Variants in FAM174A observed in about 807,000 individuals in gnomAD.
The protein encoded by FAM174A is membrane protein FAM174A.
Under a neutral mutation model 14.3 loss-of-function variants are expected in FAM174A, and 14 were observed. The observed-to-expected ratio is 0.98, with a 90% CI of 0.65 to 1.53. The LOEUF (loss-of-function observed/expected upper bound fraction) is 1.53. FAM174A is among the 40% of genes most tolerant of loss of function. The pLI, the probability that FAM174A is intolerant of heterozygous loss-of-function variation, is 0.00. For missense variants in FAM174A, 241 were observed against 249.6 expected, an observed-to-expected ratio of 0.97 and a Z score of 0.23; for synonymous variants, 108 against 111.4, an observed-to-expected ratio of 0.97 and a Z score of 0.19.
chr5:100,557,243 G>A (rs1457201787), intron 1 of FAM174A, among the ~76,000 whole-genome samples: 1 of 152,076 alleles, frequency 6.6e-6, no homozygotes, highest in South Asian at 2.1e-4. Context: ...TAAGTTTATT[G>A]ATTTGCGTAT....
At chr5:100,562,292 C>A in intron 2 of FAM174A, 104 bp downstream of exon 2, 1 of 1,036,014 alleles carries the variant, frequency 9.7e-7, no homozygotes, top group Non-Finnish European at 1.4e-6. Flanking sequence ...TATTCCAACA[C>A]AGTTTCTTCA....
chr5:100,551,030 G>A (rs1031251241), intron 1 of FAM174A, among the ~76,000 whole-genome samples: 4 of 152,154 alleles, frequency 2.6e-5, no homozygotes, highest in Non-Finnish European at 4.4e-5. Context: ...ACCATTGAAG[G>A]TTTTAGAGAA....
chr5:100,540,404 T>C (rs1746025830), intron 1 of FAM174A, among the ~76,000 whole-genome samples: 1 of 152,144 alleles, frequency 6.6e-6, no homozygotes, highest in South Asian at 2.1e-4. Flanking sequence ...TCATGGAACT[T>C]CCATTATAAT....
chr5:100,585,348 T>C (rs1047545413), intron 2 of FAM174A, among the ~76,000 whole-genome samples: 1 of 152,230 alleles, frequency 6.6e-6, no homozygotes, highest in Non-Finnish European at 1.5e-5. Context: ...TCATAAATGA[T>C]AAAATAAATC....
rs144016021 is a variant in FAM174A at position 100,544,408 on chromosome 5, G to GGAGAGAGA, written c.434+8463_434+8470dup. Among the ~76,000 whole-genome samples the GGAGAGAGA allele has an allele frequency of 2.7e-4, 39 of 146,382 alleles. No individual in the cohort carries two copies. The South Asian group carries it at 7.9e-3, about 30-fold the overall frequency. ...TGCATCCTCAAACAGATGAGATCCT[G>GGAGAGAGA]GAGAGAGAGAGAGAGAGAGAGAGAG... On this transcript the variant is annotated intron_variant, in intron 1 of 2. Coordinates refer to ENST00000312637, the MANE Select transcript of FAM174A (RefSeq NM_198507.3).
At chr5:100,584,764 C>A (rs1747093586) in intron 2 of FAM174A, among the ~76,000 whole-genome samples, 1 of 152,110 alleles carries the variant, frequency 6.6e-6, no homozygotes, top group Admixed American at 6.5e-5. Flanking sequence ...GACAGTTTCA[C>A]ATTTTTTTTT....
chr5:100,540,892 T>C lies in FAM174A; in HGVS notation c.434+4928T>C, dbSNP rs182306597. ...GTAATGCCACATATAGACATTGATA[T>C]CTATACGGGGTAAATGTATGAGACT... On this transcript the variant is annotated intron_variant, in intron 1 of 2. Coordinates refer to ENST00000312637, the MANE Select transcript of FAM174A (RefSeq NM_198507.3). 6.2e-4 allele frequency among the ~76,000 whole-genome samples: 94 copies of C among 152,312 alleles called. 1 individual carries two copies. Among genetic ancestry groups the C allele is most frequent in the African/African-American group, 2.2e-3 (92 of 41,568 alleles).
intron 2 of FAM174A, 24 bp downstream of exon 2, chr5:100,562,212 C>A: frequency 6.4e-7 from 1 of 1,555,136 alleles, no homozygotes; most frequent in Non-Finnish European, 8.6e-7. Flanking sequence ...TAGTTTAATT[C>A]CATGAATCAG....
intron 1 of FAM174A, among the ~76,000 whole-genome samples, chr5:100,557,891 A>T (rs998759352): frequency 2.0e-5 from 3 of 151,798 alleles, no homozygotes; most frequent in Admixed American, 1.3e-4. Flanking sequence ...AAAACCAGCT[A>T]CTGGATTCAT....
At chr5:100,554,058 T>G (rs1429491882) in intron 1 of FAM174A, among the ~76,000 whole-genome samples, 13 of 152,164 alleles carry the variant, frequency 8.5e-5, no homozygotes, top group Non-Finnish European at 2.9e-5. Context: ...CCAAAAATAA[T>G]TTCACATGAC....
intron 1 of FAM174A, among the ~76,000 whole-genome samples, chr5:100,551,069 T>G (rs1746253182): frequency 6.6e-6 from 1 of 152,004 alleles, no homozygotes; most frequent in Non-Finnish European, 1.5e-5. Context: ...ATAGCCGGAG[T>G]AGGCAGAGAT....
At chr5:100,546,708 A>G (rs551608536) in intron 1 of FAM174A, among the ~76,000 whole-genome samples, 1 of 152,300 alleles carries the variant, frequency 6.6e-6, no homozygotes, top group East Asian at 1.9e-4. Context: ...CTTATAAGTT[A>G]TATGCACTAT....
chr5:100,575,397 G>A (rs115154850), intron 2 of FAM174A, among the ~76,000 whole-genome samples: 2,291 of 151,872 alleles, frequency 0.015, 61 homozygotes, highest in African/African-American at 0.052. Flanking sequence ...GCTATCCCTC[G>A]TCTCTCCCCC....
intron 2 of FAM174A, among the ~76,000 whole-genome samples, chr5:100,563,757 C>T (rs886065339): frequency 1.3e-5 from 2 of 151,804 alleles, no homozygotes; most frequent in African/African-American, 4.8e-5. Context: ...CAAGTCTTAA[C>T]AACTTTAAGA....
chr5:100,543,607 T>G (rs946962355), intron 1 of FAM174A, among the ~76,000 whole-genome samples: 1 of 152,122 alleles, frequency 6.6e-6, no homozygotes, highest in Admixed American at 6.6e-5. Flanking sequence ...TTGGTGTTTT[T>G]GACATGGAGT....
intron 1 of FAM174A, among the ~76,000 whole-genome samples, chr5:100,558,103 C>T (rs1050860750): frequency 6.6e-6 from 1 of 152,170 alleles, no homozygotes; most frequent in Non-Finnish European, 1.5e-5. Flanking sequence ...CTACACACTG[C>T]TTTGAATGTG....
chr5:100,549,165 A>C (rs1746215872), intron 1 of FAM174A, among the ~76,000 whole-genome samples: 1 of 152,112 alleles, frequency 6.6e-6, no homozygotes, highest in African/African-American at 2.4e-5. Context: ...TAATTCTGAA[A>C]GGGTTGGTCA....
intron 1 of FAM174A, among the ~76,000 whole-genome samples, chr5:100,558,150 C>G (rs138706358): frequency 2.2e-4 from 33 of 152,134 alleles, no homozygotes; most frequent in African/African-American, 7.9e-4. Context: ...TTTGTTCTTG[C>G]TGGTTTCAAA....
chr5:100,577,899 T>C (rs1344699570), intron 2 of FAM174A, among the ~76,000 whole-genome samples: 1 of 152,048 alleles, frequency 6.6e-6, no homozygotes, highest in African/African-American at 2.4e-5. Flanking sequence ...AAAGAAATAT[T>C]TGGGATTGGA....
Sources: gnomAD v4.1 joint callset for allele counts (sites outside exome capture counted in the v4.1 genomes callset) on GRCh38, gnomAD v4.1.1 for gene constraint, MANE v1.5 for transcripts, NCBI Gene and HGNC (gene_info 2026-07-23, HGNC 2026-07-21) for gene names.